ESRRG: variants seen among roughly 807,000 people sequenced by gnomAD.
ESRRG encodes estrogen related receptor gamma.
ESRRG carries 13 observed loss-of-function variants against 44.0 expected under a neutral mutation model. The observed-to-expected ratio is 0.30, with a 90% CI of 0.19 to 0.47. The LOEUF is 0.47. ESRRG is among the 20% of genes least tolerant of loss of function. ESRRG has a pLI of 1.00. For synonymous variants in ESRRG, 215 were observed against 214.6 expected (o/e 1.00, Z -0.02); for missense variants, 395 against 580.6 (o/e 0.68, Z 3.29).
At chr1:217,060,493 A>C (rs759699122) in intron 1 of ESRRG, among the ~76,000 whole-genome samples, 4 of 152,082 alleles carry the variant, frequency 2.6e-5, no homozygotes, top group Non-Finnish European at 5.9e-5. Flanking sequence ...TCCTATTTGG[A>C]TAATTAAGAT....
intron 1 of ESRRG, among the ~76,000 whole-genome samples, chr1:216,713,693 T>C (rs1028427843): frequency 6.6e-6 from 1 of 152,222 alleles, no homozygotes; most frequent in Admixed American, 6.5e-5. Flanking sequence ...TATTCACCTG[T>C]AATTTCATCA....
chr1:216,543,924 A>T (rs2053672038), intron 5 of ESRRG, among the ~76,000 whole-genome samples: 1 of 152,054 alleles, frequency 6.6e-6, no homozygotes, highest in Non-Finnish European at 1.5e-5. Context: ...ATTGAATAGA[A>T]ACTTTTGATA....
chr1:216,641,390 C>A (rs2066393397), intron 3 of ESRRG, among the ~76,000 whole-genome samples: 1 of 152,192 alleles, frequency 6.6e-6, no homozygotes, highest in Admixed American at 6.5e-5. Context: ...GGATTACATG[C>A]AGAATCATGG....
At chr1:217,070,207 G>A (rs1322399237) in intron 1 of ESRRG, among the ~76,000 whole-genome samples, 3 of 151,986 alleles carry the variant, frequency 2.0e-5, no homozygotes, top group Non-Finnish European at 4.4e-5. Flanking sequence ...TGTAAAATTA[G>A]GAAGAATGTG....
At chr1:216,911,798 G>A (rs1233375647) in intron 2 of ESRRG, among the ~76,000 whole-genome samples, 1 of 152,070 alleles carries the variant, frequency 6.6e-6, no homozygotes, top group Non-Finnish European at 1.5e-5. Flanking sequence ...GGCTGGGTGT[G>A]GCGGCATATG....
At chr1:216,865,122 C>A (rs377724335) in intron 2 of ESRRG, 1 of 136,892 alleles carries the variant, frequency 7.3e-6, no homozygotes, top group Admixed American at 8.1e-5. Flanking sequence ...AAGTTGAATT[C>A]TCTGACTAGG....
chr1:216,954,738 A>G (rs534592057), intron 1 of ESRRG, among the ~76,000 whole-genome samples: 7 of 152,250 alleles, frequency 4.6e-5, no homozygotes, highest in African/African-American at 1.2e-4. Context: ...TATATACGCT[A>G]TGTTTCTTCA....
chr1:216,540,182 T>C (rs2052284370), intron 5 of ESRRG, among the ~76,000 whole-genome samples: 3 of 152,126 alleles, frequency 2.0e-5, no homozygotes, highest in Admixed American at 2.0e-4. Flanking sequence ...AGAATTCATA[T>C]ACTGTTATTA....
At chr1:217,033,635 T>C (rs2082402106) in intron 1 of ESRRG, among the ~76,000 whole-genome samples, 2 of 152,322 alleles carry the variant, frequency 1.3e-5, no homozygotes, top group East Asian at 1.9e-4. Flanking sequence ...ATGTATGGCA[T>C]GTACATTATA....
intron 2 of ESRRG, among the ~76,000 whole-genome samples, chr1:216,748,348 AAC>A (rs1007941433): frequency 6.6e-6 from 1 of 152,166 alleles, no homozygotes; most frequent in Non-Finnish European, 1.5e-5. Context: ...GAATAAGAAA[AAC>A]ATACAAGAAA....
intron 1 of ESRRG, among the ~76,000 whole-genome samples, chr1:216,980,574 T>C (rs1361705246): frequency 1.3e-5 from 2 of 152,098 alleles, no homozygotes; most frequent in Non-Finnish European, 2.9e-5. Flanking sequence ...ACTGTACTGT[T>C]TACCCACATT....
intron 1 of ESRRG, among the ~76,000 whole-genome samples, chr1:217,086,701 G>C (rs2092101744): frequency 6.6e-6 from 1 of 152,058 alleles, no homozygotes; most frequent in Non-Finnish European, 1.5e-5. Context: ...CATTAATGTG[G>C]CTTTTGGCAT....
At chr1:216,543,490 A>G (rs932604918) in intron 5 of ESRRG, among the ~76,000 whole-genome samples, 3 of 152,014 alleles carry the variant, frequency 2.0e-5, no homozygotes, top group Non-Finnish European at 4.4e-5. Flanking sequence ...ATATCACACC[A>G]GGATCCCAGC....
At position 216,545,296 on chromosome 1, in the gene ESRRG, T is replaced by C. The variant is rs143696689; in HGVS notation, c.862+18923A>G. Among the ~76,000 whole-genome samples the C allele has an allele frequency of 5.0e-3, 758 of 151,912 alleles. 7 individuals are homozygous for C. Among genetic ancestry groups the C allele is most frequent in the African/African-American group, 0.018 (731 of 41,470 alleles). Reference sequence around the variant, plus strand: ...CAGGCTGGTCTTAAACTCCTGGCTTTAAGGGATCCTTCTGCCTCTGTCTCC... The same window carrying C: ...CAGGCTGGTCTTAAACTCCTGGCTTCAAGGGATCCTTCTGCCTCTGTCTCC... On this transcript the variant is annotated intron_variant, in intron 5 of 6. Transcript: ENST00000408911.
intron 1 of ESRRG, among the ~76,000 whole-genome samples, chr1:216,941,783 T>G (rs894382684): frequency 3.3e-5 from 5 of 152,190 alleles, no homozygotes; most frequent in African/African-American, 1.2e-4. Context: ...GTAAACAGCC[T>G]TTAGAAGTTC....
chr1:216,563,837 T>C (rs1459316533), intron 5 of ESRRG, among the ~76,000 whole-genome samples: 5 of 152,150 alleles, frequency 3.3e-5, no homozygotes, highest in South Asian at 4.1e-4. Context: ...GATTCTTAGT[T>C]GGGAAAATAG....
chr1:216,715,083 A>G lies in ESRRG; in HGVS notation c.56+8161T>C, dbSNP rs1014792486. 1.0e-5 allele frequency: 10 copies of G among 985,402 alleles called. No individual in the cohort carries two copies. The East Asian group carries it at 9.1e-4, about 90-fold the overall frequency. 61.0% of individuals were successfully genotyped at this position (985,402 alleles called of 1,614,324 possible). A position where few individuals can be genotyped will look rare whatever the true frequency, so the allele number is the denominator to read the frequency against. ...GGCCACATGCTCCCACCTGAGCCCA[A>G]CTCCTGATGCTGTCTAGACTCCAAG... On this transcript the variant is annotated intron_variant, in intron 1 of 6. Coordinates refer to ENST00000408911, the MANE Select transcript of ESRRG (RefSeq NM_001438.4).
chr1:217,116,568 T>G (rs1364553940), intron 1 of ESRRG, among the ~76,000 whole-genome samples: 2 of 152,210 alleles, frequency 1.3e-5, no homozygotes, highest in Non-Finnish European at 2.9e-5. Flanking sequence ...GTCAGAATAT[T>G]CTTACTTAAG....
chr1:217,015,085 C>T (rs1408175742), intron 1 of ESRRG, among the ~76,000 whole-genome samples: 1 of 152,152 alleles, frequency 6.6e-6, no homozygotes, highest in Non-Finnish European at 1.5e-5. Context: ...TTTCTATGAA[C>T]CCGAATCCAA....
Sources: gnomAD v4.1 joint callset for allele counts (sites outside exome capture counted in the v4.1 genomes callset) on GRCh38, gnomAD v4.1.1 for gene constraint, MANE v1.5 for transcripts, NCBI Gene and HGNC (gene_info 2026-07-23, HGNC 2026-07-21) for gene names.